FUT8: variants seen among roughly 807,000 people sequenced by gnomAD.
The protein encoded by FUT8 is alpha-(1,6)-fucosyltransferase.
Under a neutral mutation model 71.3 loss-of-function variants are expected in FUT8, and 29 were observed. The observed-to-expected ratio is 0.41, with a 90% CI of 0.30 to 0.55. FUT8 has a LOEUF of 0.55. Ranked by LOEUF, FUT8 falls within the 20% of genes least tolerant of loss-of-function variation. The pLI is 0.34. For synonymous variants in FUT8, 254 were observed against 239.3 expected (o/e 1.06, Z -0.57); for missense variants, 544 against 702.1 (o/e 0.77, Z 2.55).
intron 6 of FUT8, among the ~76,000 whole-genome samples, chr14:65,637,827 A>T (rs1173097470): frequency 6.6e-6 from 1 of 152,094 alleles, no homozygotes; most frequent in South Asian, 2.1e-4. Context: ...TTTGTGTGGC[A>T]GAAGCCAGGA....
In FUT8 at chr14:65,611,394, CT is replaced by C. The variant is rs1177294972; in HGVS notation, c.204-4574del. On this transcript the variant is annotated intron_variant, in intron 3 of 10. Coordinates refer to ENST00000673929, the MANE Select transcript of FUT8 (RefSeq NM_001371533.1). The stretch of plus-strand genomic sequence containing the variant: ...TCTGCCAGTTTAATTGATTTTCTTT[CT>C]TTTTTTTTTAAAGAACCAGATTTTA... 6.2e-5 allele frequency among the ~76,000 whole-genome samples: 9 copies of C among 144,352 alleles called. No individual in the cohort carries two copies. In the South Asian group the frequency reaches 8.8e-4, roughly 14 times the overall value. 94.7% of individuals were successfully genotyped at this position (144,352 alleles called of 152,430 possible).
chr14:65,539,341 T>C (rs1884539255), intron 2 of FUT8, among the ~76,000 whole-genome samples: 1 of 152,216 alleles, frequency 6.6e-6, no homozygotes, highest in Non-Finnish European at 1.5e-5. Context: ...ATACCGTGTT[T>C]CTTTGATTCA....
At chr14:65,567,201 G>T (rs1886242173) in intron 3 of FUT8, among the ~76,000 whole-genome samples, 1 of 151,918 alleles carries the variant, frequency 6.6e-6, no homozygotes, top group African/African-American at 2.4e-5. Flanking sequence ...GTCTAGGAAA[G>T]GAGAAGAGAT....
intron 2 of FUT8, among the ~76,000 whole-genome samples, chr14:65,475,572 C>G (rs2066224973): frequency 6.6e-6 from 1 of 151,994 alleles, no homozygotes; most frequent in South Asian, 2.1e-4. Context: ...GACCCTGTCT[C>G]TACCAAAAAA....
At chr14:65,557,195 G>C (rs1199485996) in intron 2 of FUT8, among the ~76,000 whole-genome samples, 1 of 152,010 alleles carries the variant, frequency 6.6e-6, no homozygotes, top group East Asian at 1.9e-4. Flanking sequence ...TATGTTTATT[G>C]TTCCAGAGAC....
intron 2 of FUT8, among the ~76,000 whole-genome samples, chr14:65,526,163 G>T (rs1477965938): frequency 6.6e-6 from 1 of 152,152 alleles, no homozygotes; most frequent in Non-Finnish European, 1.5e-5. Context: ...ACAGTGGGGT[G>T]TTAAAGTCTC....
Position 65,560,362 on chromosome 14 carries a change from A to G in FUT8, c.-227-975A>G, listed in dbSNP as rs79784575. ...TAAAATTAAAGAAAAAAAAATTTTT[A>G]TAGAGATGGGGTTTCACCATCTTGC... On this transcript the variant is annotated intron_variant, in intron 2 of 10. Coordinates refer to ENST00000673929, the MANE Select transcript of FUT8 (RefSeq NM_001371533.1). Among the ~76,000 whole-genome samples, 843 of 152,250 alleles carry G rather than the reference A, an allele frequency of 5.5e-3. 7 individuals carry two copies. Among genetic ancestry groups the G allele is most frequent in the African/African-American group, 0.019 (800 of 41,552 alleles).
rs1166467601 is a variant in FUT8 at position 65,638,176 on chromosome 14, A to G, written c.597+8570A>G. 2.0e-5 allele frequency among the ~76,000 whole-genome samples: 3 copies of G among 152,132 alleles called. No homozygotes were observed. Among genetic ancestry groups the G allele is most frequent in the African/African-American group, 4.8e-5 (2 of 41,432 alleles). On this transcript the variant is annotated intron_variant, in intron 6 of 10. Transcript: ENST00000673929. This position sits in a 1 kb window ranked among gnomAD's most constrained non-coding sequence, Gnocchi z 4.5. ...TGCTGTCCTACAGTTGTTCCTGTGA[A>G]CATTGTCCTTCTCCCAAGACCCTCC...
chr14:65,461,535 G>A (rs1264505163), intron 2 of FUT8, among the ~76,000 whole-genome samples: 2 of 152,058 alleles, frequency 1.3e-5, no homozygotes, highest in Non-Finnish European at 2.9e-5. Flanking sequence ...TTGCATGTAG[G>A]GTAAAATCTT....
At chr14:65,726,859 T>C (rs1211058018) in intron 9 of FUT8, among the ~76,000 whole-genome samples, 2 of 152,182 alleles carry the variant, frequency 1.3e-5, no homozygotes, top group Admixed American at 1.3e-4. Context: ...AGTTGCTTCC[T>C]AGATACAGTG....
intron 2 of FUT8, chr14:65,471,205 A>G (rs375276666): frequency 1.2e-3 from 228 of 195,082 alleles, no homozygotes; most frequent in Admixed American, 2.2e-3. Flanking sequence ...TGTGAGCCTG[A>G]GTTGAGTAAC....
chr14:65,629,550 G>A lies in FUT8; in HGVS notation c.541G>A (p.Glu181Lys), dbSNP rs778184238. ...SQTDGAGDWR[E>K]KEAKDLTELV... is the part of the protein sequence containing the mutation. ...GACAGATGGAGCAGGTGATTGGCGG[G>A]AAAAAGAGGCCAAAGATCTGACAGA... Residue 181 changes from glutamate to lysine, a missense_variant, in exon 6 of 11, where the codon GAA (glutamate) becomes AAA (lysine). By Grantham distance (56) the Glu-to-Lys change is moderately conservative (BLOSUM62 1). Transcript: ENST00000673929. The A allele has an allele frequency of 4.3e-6, 7 of 1,613,662 alleles. No homozygotes were observed. The highest frequency in any genetic ancestry group is 1.7e-5 in the Admixed American group (1 of 59,982).
intron 3 of FUT8, among the ~76,000 whole-genome samples, chr14:65,592,235 G>A (rs1035289436): frequency 2.6e-5 from 4 of 152,044 alleles, no homozygotes; most frequent in East Asian, 1.9e-4. Flanking sequence ...AGTAGTTCAT[G>A]AAAAAATGGT....
chr14:65,722,910 A>T (rs1007269059), intron 8 of FUT8, among the ~76,000 whole-genome samples: 1 of 152,192 alleles, frequency 6.6e-6, no homozygotes, highest in South Asian at 2.1e-4. Flanking sequence ...GTATAAGTCT[A>T]CCTTTTTCTA....
At chr14:65,456,768 G>C (rs1463935012) in intron 2 of FUT8, among the ~76,000 whole-genome samples, 1 of 151,646 alleles carries the variant, frequency 6.6e-6, no homozygotes, top group East Asian at 1.9e-4. Context: ...AGCTATTTGG[G>C]AGGCCGAGGT....
chr14:65,688,520 CAAAA>C (rs34293733), intron 7 of FUT8, among the ~76,000 whole-genome samples: 11 of 55,124 alleles, frequency 2.0e-4, no homozygotes, highest in African/African-American at 6.8e-4. Context: ...ATCCACATGC[CAAAA>C]AAAAAAAAAA....
At chr14:65,379,158 C>G in the FUT8 span, among the ~76,000 whole-genome samples, 2 of 152,052 alleles carry the variant, frequency 1.3e-5, no homozygotes, top group South Asian at 2.1e-4. Context: ...ACACAAGAAG[C>G]TTTTTAAACA....
At chr14:65,658,633 T>C (rs1267861988) in intron 6 of FUT8, among the ~76,000 whole-genome samples, 1 of 152,108 alleles carries the variant, frequency 6.6e-6, no homozygotes, top group Non-Finnish European at 1.5e-5. Flanking sequence ...CTCAAGAGCA[T>C]TGTGCTGAGT....
intron 2 of FUT8, among the ~76,000 whole-genome samples, chr14:65,553,408 A>T (rs1482389842): frequency 6.6e-6 from 1 of 152,040 alleles, no homozygotes; most frequent in Non-Finnish European, 1.5e-5. Context: ...GTGATACATT[A>T]TTGCCATTTT....
Sources: gnomAD v4.1 joint callset for allele counts (sites outside exome capture counted in the v4.1 genomes callset) on GRCh38, gnomAD v4.1.1 for gene constraint, Gnocchi (gnomAD v3.1) non-coding constraint, MANE v1.5 for transcripts, NCBI Gene and HGNC (gene_info 2026-07-23, HGNC 2026-07-21) for gene names.